Variants in PBX3 observed in about 807,000 individuals in gnomAD.
PBX3 encodes the protein PBX homeobox 3.
Under a neutral mutation model 48.5 loss-of-function variants are expected in PBX3, and 14 were observed. The observed-to-expected ratio is 0.29, with a 90% CI of 0.19 to 0.45. The LOEUF (loss-of-function observed/expected upper bound fraction) is 0.45, where lower values mean the gene tolerates loss of function less well. Ranked by LOEUF, PBX3 falls within the 20% of genes least tolerant of loss-of-function variation. PBX3 has a pLI of 1.00. For missense variants in PBX3, 386 were observed against 546.7 expected (o/e 0.71, Z 2.93); for synonymous variants, 210 against 200.3 (o/e 1.05, Z -0.41).
At chr9:125,862,382 T>G (rs1256400789) in intron 2 of PBX3, among the ~76,000 whole-genome samples, 3 of 152,022 alleles carry the variant, frequency 2.0e-5, no homozygotes, top group African/African-American at 7.3e-5. Context: ...AAATTAATAG[T>G]GGAGTACTTT....
chr9:125,803,216 T>C (rs949611249), intron 2 of PBX3, among the ~76,000 whole-genome samples: 4 of 150,588 alleles, frequency 2.7e-5, no homozygotes, highest in Admixed American at 2.0e-4. Context: ...GCTTCCTGAG[T>C]AGTTAGGATT....
chr9:125,869,580 G>A (rs111716720), intron 2 of PBX3, among the ~76,000 whole-genome samples: 3,898 of 152,258 alleles, frequency 0.026, 64 homozygotes, highest in Middle Eastern at 0.051. Context: ...AGCAATATGA[G>A]CTAGAATCAA....
chr9:125,916,402 A>G (rs973501622), intron 3 of PBX3, among the ~76,000 whole-genome samples: 3 of 152,186 alleles, frequency 2.0e-5, no homozygotes, highest in Non-Finnish European at 2.9e-5. Context: ...AACTTCACCA[A>G]GTAAGCAGGT....
At chr9:125,937,653 C>T (rs1841868479) in intron 5 of PBX3, among the ~76,000 whole-genome samples, 1 of 152,130 alleles carries the variant, frequency 6.6e-6, no homozygotes. Context: ...CCTGACAGGT[C>T]AACTGCTTTT....
chr9:125,813,382 T>C (rs1838353934), intron 2 of PBX3, among the ~76,000 whole-genome samples: 1 of 152,228 alleles, frequency 6.6e-6, no homozygotes, highest in Non-Finnish European at 1.5e-5. Context: ...TTTAGCTCCT[T>C]TATAATCTTA....
In PBX3 at chr9:125,801,895, T is replaced by C. The variant is rs1188125064; in HGVS notation, c.274+53272T>C. Among the ~76,000 whole-genome samples, 5 of 152,040 alleles carry C rather than the reference T, an allele frequency of 3.3e-5. No individual in the cohort carries two copies. The East Asian group carries it at 9.7e-4, about 29-fold the overall frequency. ...GGTTAAAACTAAAAACTCCAGTGTA[T>C]ATTTCATTTTTTTGAGGTTAAGAAA... On this transcript the variant is annotated intron_variant, in intron 2 of 8. Coordinates refer to ENST00000373489, the MANE Select transcript of PBX3 (RefSeq NM_006195.6).
intron 2 of PBX3, among the ~76,000 whole-genome samples, chr9:125,770,269 CAT>C (rs1308178803): frequency 6.6e-6 from 1 of 152,034 alleles, no homozygotes; most frequent in Admixed American, 6.6e-5. Flanking sequence ...CTGATAGTGA[CAT>C]GTGTAATATG....
chr9:125,959,825 ACTTT>A (rs1842388968), intron 5 of PBX3, among the ~76,000 whole-genome samples: 1 of 152,214 alleles, frequency 6.6e-6, no homozygotes, highest in South Asian at 2.1e-4. Context: ...GTGTGGGTAT[ACTTT>A]CTTATAAATT....
chr9:125,877,108 AGGACAG>A (rs1215808338), intron 2 of PBX3, among the ~76,000 whole-genome samples: 1 of 152,138 alleles, frequency 6.6e-6, no homozygotes, highest in African/African-American at 2.4e-5. Context: ...AAACAGCTTG[AGGACAG>A]GAACAGTGTC....
At chr9:125,767,807 TACAA>T (rs1309627425) in intron 2 of PBX3, among the ~76,000 whole-genome samples, 3 of 152,204 alleles carry the variant, frequency 2.0e-5, no homozygotes, top group African/African-American at 7.2e-5. Flanking sequence ...CCAGTGGTTC[TACAA>T]ACACTCAGAC....
At chr9:125,763,953 T>C (rs1836737203) in intron 2 of PBX3, among the ~76,000 whole-genome samples, 2 of 152,248 alleles carry the variant, frequency 1.3e-5, no homozygotes, top group South Asian at 4.1e-4. Context: ...ACGTTGTTTA[T>C]GCATAAAGAA....
intron 2 of PBX3, among the ~76,000 whole-genome samples, chr9:125,796,861 C>T (rs75684407): frequency 0.07 from 10,686 of 151,984 alleles, 1,178 homozygotes; most frequent in African/African-American, 0.24. Flanking sequence ...TCCTTATGGA[C>T]GTACACACAC....
At chr9:125,822,684 C>A (rs1303146033) in intron 2 of PBX3, among the ~76,000 whole-genome samples, 1 of 152,028 alleles carries the variant, frequency 6.6e-6, no homozygotes, top group Non-Finnish European at 1.5e-5. Context: ...TCTTTGAGTT[C>A]AACTTGGATT....
At chr9:125,830,741 A>G (rs1453996879) in intron 2 of PBX3, among the ~76,000 whole-genome samples, 2 of 152,152 alleles carry the variant, frequency 1.3e-5, no homozygotes, top group Non-Finnish European at 2.9e-5. Flanking sequence ...TTCCCATTTT[A>G]TAGAAGGAGA....
chr9:125,816,836 A>G (rs190307102), intron 2 of PBX3, among the ~76,000 whole-genome samples: 24 of 152,280 alleles, frequency 1.6e-4, no homozygotes, highest in Non-Finnish European at 2.8e-4. Context: ...CTTCTTTAAC[A>G]TAGAATCCCA....
chr9:125,876,675 G>T (rs1285031436), intron 2 of PBX3, among the ~76,000 whole-genome samples: 2 of 152,114 alleles, frequency 1.3e-5, no homozygotes, highest in African/African-American at 2.4e-5. Flanking sequence ...TTTTTGGGGA[G>T]TCAAAGTTAT....
In PBX3 at chr9:125,962,156, A is replaced by G. The variant is rs756924554; in HGVS notation, c.1064A>G (p.Gln355Arg). 1 of 1,613,428 alleles carries G rather than the reference A, an allele frequency of 6.2e-7. No homozygotes were observed. ...PNSGDMFMNM[Q>R]SLNGDSYQGS... is the part of the protein sequence containing the mutation. The stretch of plus-strand genomic sequence containing the variant: ...TCTGGGGACATGTTCATGAACATGC[A>G]GAGTCTGAATGGGGATTCTTACCAA... Residue 355 changes from glutamine (Q) to arginine (R), a missense_variant, in exon 7 of 9, where the codon CAG becomes CGG. Coordinates refer to ENST00000373489, the MANE Select transcript of PBX3 (RefSeq NM_006195.6).
intron 2 of PBX3, among the ~76,000 whole-genome samples, chr9:125,887,156 A>T (rs1364728236): frequency 6.6e-6 from 1 of 152,164 alleles, no homozygotes; most frequent in African/African-American, 2.4e-5. Flanking sequence ...GTTGAAGAGA[A>T]ATTTTATGAA....
chr9:125,966,028 G>A lies in PBX3; in HGVS notation c.*105G>A. 2.8e-6 allele frequency: 2 copies of A among 705,630 alleles called. No homozygotes were observed. The highest frequency in any genetic ancestry group is 3.3e-4 in the Middle Eastern group (1 of 2,990). The allele number at this position is 705,630 out of a possible 1,614,324, so 43.7% of individuals were successfully genotyped here. On this transcript the variant is annotated 3_prime_UTR_variant, in exon 9 of 9. Coordinates refer to ENST00000373489, the MANE Select transcript of PBX3 (RefSeq NM_006195.6). ...GTAGCCCACCATCTACAGCTTTACTGTAAAACCTTGTCTTATTCGAGAACT... is the reference window on the plus strand; with the variant it reads ...GTAGCCCACCATCTACAGCTTTACTATAAAACCTTGTCTTATTCGAGAACT...
Sources: allele counts gnomAD v4.1 joint callset (sites outside exome capture counted in the v4.1 genomes callset), GRCh38; gene constraint gnomAD v4.1.1; transcripts MANE v1.5; gene names NCBI Gene and HGNC (gene_info 2026-07-23, HGNC 2026-07-21).